MAN1B1: variants seen among roughly 807,000 people sequenced by gnomAD.
The protein encoded by MAN1B1 is mannosidase alpha class 1B member 1, also known as endoplasmic reticulum mannosyl-oligosaccharide 1,2-alpha-mannosidase.
In MAN1B1, 66 loss-of-function variants were observed where a neutral mutation model predicts 75.5. The ratio of observed to expected loss-of-function variants is 0.87; its 90% CI spans 0.72 to 1.07. The LOEUF (loss-of-function observed/expected upper bound fraction) is 1.07. MAN1B1 is among the 50% of genes least tolerant of loss of function. The pLI, the probability that MAN1B1 is intolerant of heterozygous loss-of-function variation, is 0.00. For synonymous variants in MAN1B1, 453 were observed against 382.8 expected (o/e 1.18, Z -2.14); for missense variants, 973 against 912.5 (o/e 1.07, Z -0.85).
chr9:137,106,328 C>T lies in MAN1B1; in HGVS notation c.1445+13C>T, dbSNP rs1831101398. ...AGCAGGAGACACAGTGAGGCCCGGC[C>T]CGCTGCCCCCAGCTCCCGCGGCTCC... On this transcript the variant is annotated intron_variant, in intron 9 of 12. Coordinates refer to ENST00000371589, the MANE Select transcript of MAN1B1 (RefSeq NM_016219.5). 1 of 1,545,162 alleles carries T rather than the reference C, an allele frequency of 6.5e-7. No homozygotes were observed. The highest frequency in any genetic ancestry group is 8.7e-7 in the Non-Finnish European group (1 of 1,144,560).
In MAN1B1 at chr9:137,107,159, G is replaced by A. The variant is rs564148072; in HGVS notation, c.1567-91G>A. The A allele has an allele frequency of 8.5e-5, 119 of 1,392,654 alleles. No homozygotes were observed. The African/African-American group carries it at 1.5e-3, about 18-fold the overall frequency. The allele number at this position is 1,392,654 out of a possible 1,614,324, so 86.3% of individuals were successfully genotyped here. On this transcript the variant is annotated intron_variant, in intron 10 of 12. Coordinates refer to ENST00000371589, the MANE Select transcript of MAN1B1 (RefSeq NM_016219.5). The stretch of plus-strand genomic sequence containing the variant: ...CCCCTCCCAGGGTACCAGGGCCGAG[G>A]CAGCGCTGGGCTCCCACGTTGGCTG...
intron 1 of MAN1B1, 25 bp downstream of exon 1, chr9:137,087,243 G>T (rs2130983951): frequency 6.4e-7 from 1 of 1,553,628 alleles, no homozygotes. Flanking sequence ...GGGCTGACTG[G>T]GGCCCGGGGC....
In MAN1B1 at chr9:137,107,433, G is replaced by C; in HGVS notation, c.1750G>C (p.Asp584His). The change falls in exon 11 of 13, where the codon GAC (aspartate) becomes CAC (histidine). Residue 584 changes from aspartate to histidine, a missense_variant. Transcript: ENST00000371589. ...FNLYPQPGRR[D>H]VEVKPADRHN... is the part of the protein sequence containing the mutation. Reference sequence around the variant, plus strand: ...CCTTTACCCCCAGCCGGGCCGTCGGGACGTGGAGGTCAAGGTGGGCCTGGG... The same window carrying C: ...CCTTTACCCCCAGCCGGGCCGTCGGCACGTGGAGGTCAAGGTGGGCCTGGG... The C allele has an allele frequency of 6.2e-7, 1 of 1,613,432 alleles. No homozygotes were observed. Among genetic ancestry groups the C allele is most frequent in the Non-Finnish European group, 8.5e-7 (1 of 1,180,002 alleles).
At chr9:137,088,728 T>G in intron 2 of MAN1B1, 141 bp from the exon 3 acceptor site, 1 of 945,216 alleles carries the variant, frequency 1.1e-6, no homozygotes, top group African/African-American at 1.6e-5. Context: ...CTTGGGACAT[T>G]GTTGAATTCA....
intron 4 of MAN1B1, among the ~76,000 whole-genome samples, chr9:137,097,499 T>C (rs146378197): frequency 6.6e-6 from 1 of 152,308 alleles, no homozygotes; most frequent in East Asian, 1.9e-4. Context: ...TCACTAGTGC[T>C]CCTGTTTGGA....
Position 137,101,022 on chromosome 9 carries a change from A to C in MAN1B1, c.934A>C (p.Lys312Gln). The change falls in exon 7 of 13, where the codon AAG becomes CAG. Residue 312 changes from lysine (K) to glutamine (Q), a missense_variant. Coordinates refer to ENST00000371589, the MANE Select transcript of MAN1B1 (RefSeq NM_016219.5). ...GLRKEFEEAR[K>Q]WVSKKLHFEK... The stretch of plus-strand genomic sequence containing the variant: ...TGTCATAGAATTTGAGGAAGCCAGG[A>C]AGTGGGTGTCGAAGAAGTTACACTT... 6.2e-7 allele frequency: 1 copy of C among 1,614,192 alleles called. No homozygotes were observed. The highest frequency in any genetic ancestry group is 8.5e-7 in the Non-Finnish European group (1 of 1,180,044).
intron 3 of MAN1B1, 41 bp downstream of exon 3, chr9:137,089,046 A>T (rs376808255): frequency 1.2e-6 from 2 of 1,612,176 alleles, no homozygotes; most frequent in Non-Finnish European, 1.7e-6. Context: ...CTGGGGTTCA[A>T]TCCAGAGGCA....
At chr9:137,090,197 G>A (rs1242019568) in intron 3 of MAN1B1, among the ~76,000 whole-genome samples, 3 of 152,156 alleles carry the variant, frequency 2.0e-5, no homozygotes, top group Non-Finnish European at 2.9e-5. Context: ...CCAGGGTGGT[G>A]CTGACTCTGG....
At position 137,108,727 on chromosome 9, in the gene MAN1B1, G is replaced by A. The variant is rs750768510; in HGVS notation, c.*136G>A. ...CTGAACTGGCTCTGGGCTCCTCCTC[G>A]TCTCTGCTTTAATCAGGACACCGTG... On this transcript the variant is annotated 3_prime_UTR_variant, in exon 13 of 13. Coordinates refer to ENST00000371589, the MANE Select transcript of MAN1B1 (RefSeq NM_016219.5). 7 of 815,930 alleles carry A rather than the reference G, an allele frequency of 8.6e-6. No individual in the cohort carries two copies. The highest frequency in any genetic ancestry group is 5.0e-5 in the African/African-American group (3 of 59,458). 50.5% of individuals were successfully genotyped at this position (815,930 alleles called of 1,614,324 possible). A position where few individuals can be genotyped will look rare whatever the true frequency, so the allele number is the denominator to read the frequency against.
rs1564281571 is a variant in MAN1B1, at chr9:137,099,775, C to A, written c.810C>A (p.Gly270=). 6.2e-7 allele frequency: 1 copy of A among 1,614,226 alleles called. No individual in the cohort carries two copies. The highest frequency in any genetic ancestry group is 2.2e-5 in the East Asian group (1 of 44,886). The change falls in exon 6 of 13, where the codon GGC becomes GGA. Residue 270 remains glycine (G), a synonymous_variant. Transcript: ENST00000371589. ...AAGGATACCGCAAGTTTGCATGGGG[C>A]CATGACGAGCTGAAGCCTGTGTCCA... ...AWKGYRKFAW[G]HDELKPVSRS...
chr9:137,087,016 G>T lies in MAN1B1; in HGVS notation c.17G>T (p.Gly6Val). The T allele has an allele frequency of 6.3e-7, 1 of 1,599,222 alleles. No individual in the cohort carries two copies. The highest frequency in any genetic ancestry group is 8.5e-7 in the Non-Finnish European group (1 of 1,174,886). Reference protein sequence around the residue: MAACEGRRSGALGSSQ... With the variant: MAACEVRRSGALGSSQ... ...GGCGCTGCGATGGCTGCCTGCGAGG[G>T]CAGGAGAAGCGGAGCTCTCGGTTCC... The change falls in exon 1 of 13, where the codon GGC (glycine) becomes GTC (valine). Residue 6 changes from glycine to valine, a missense_variant. Physicochemically the swap from Gly to Val is moderately radical, Grantham distance 109. Coordinates refer to ENST00000371589, the MANE Select transcript of MAN1B1 (RefSeq NM_016219.5).
At chr9:137,091,521 A>ATTTTTTTTTTTT (rs964752016) in intron 3 of MAN1B1, among the ~76,000 whole-genome samples, 3 of 89,920 alleles carry the variant, frequency 3.3e-5, no homozygotes, top group Non-Finnish European at 6.8e-5. Flanking sequence ...TTTGTTTTAT[A>ATTTTTTTTTTTT]TTTTTTTTTT....
At chr9:137,108,350 GC>G in intron 12 of MAN1B1, 37 bp from the exon 13 acceptor site, 2 of 1,550,914 alleles carry the variant, frequency 1.3e-6, no homozygotes, top group Non-Finnish European at 1.8e-6. Context: ...GGTGCAGGGT[GC>G]CCCCCGTGTG....
intron 5 of MAN1B1, among the ~76,000 whole-genome samples, chr9:137,099,282 G>A (rs1362696067): frequency 2.0e-5 from 3 of 152,280 alleles, no homozygotes; most frequent in Admixed American, 6.5e-5. Context: ...CACATTCTGA[G>A]TTGGCACCAC....
chr9:137,093,603 G>A (rs1180852742), intron 3 of MAN1B1, among the ~76,000 whole-genome samples: 1 of 152,084 alleles, frequency 6.6e-6, no homozygotes, highest in African/African-American at 2.4e-5. Context: ...GGCTGAAGCG[G>A]GTGGATCACA....
chr9:137,088,258 C>A, intron 2 of MAN1B1, 75 bp downstream of exon 2: 1 of 1,613,396 alleles, frequency 6.2e-7, no homozygotes, highest in South Asian at 1.1e-5. Context: ...TTGCATTCTA[C>A]CTTAAACAGC....
At chr9:137,100,299 C>A (rs1830773419) in intron 6 of MAN1B1, among the ~76,000 whole-genome samples, 1 of 152,160 alleles carries the variant, frequency 6.6e-6, no homozygotes, top group Non-Finnish European at 1.5e-5. Context: ...TAAACATTTG[C>A]CTAATTTTTT....
Position 137,106,370 on chromosome 9 carries a change from C to T in MAN1B1, c.1445+55C>T. ...CGCGGCTCCCCCGTTCCCGCAGCCC[C>T]CCACTCCTGCTGCCCCCAGCTCCCA... is the stretch of plus-strand genomic sequence containing the variant. On this transcript the variant is annotated intron_variant, in intron 9 of 12. Coordinates refer to ENST00000371589, the MANE Select transcript of MAN1B1 (RefSeq NM_016219.5). 5.5e-6 allele frequency: 8 copies of T among 1,464,608 alleles called. No individual in the cohort carries two copies. In the South Asian group the frequency reaches 7.4e-5, roughly 13 times the overall value. 90.7% of individuals were successfully genotyped at this position (1,464,608 alleles called of 1,614,324 possible).
At chr9:137,088,786 C>A in intron 2 of MAN1B1, 83 bp from the exon 3 acceptor site, 1 of 1,422,806 alleles carries the variant, frequency 7.0e-7, no homozygotes, top group Non-Finnish European at 9.9e-7. Flanking sequence ...ATGGATAGTG[C>A]CTGCCAAGTG....
Sources: gnomAD v4.1 joint callset for allele counts (sites outside exome capture counted in the v4.1 genomes callset) on GRCh38, gnomAD v4.1.1 for gene constraint, MANE v1.5 for transcripts, NCBI Gene and HGNC (gene_info 2026-07-23, HGNC 2026-07-21) for gene names.